PANK2: variants seen among roughly 807,000 people sequenced by gnomAD.
PANK2 encodes pantothenate kinase 2.
Under a neutral mutation model 43.1 loss-of-function variants are expected in PANK2, and 36 were observed. The observed-to-expected ratio is 0.84, with a 90% CI of 0.64 to 1.10. PANK2 has a LOEUF of 1.10. Ranked by LOEUF, PANK2 falls within the 50% of genes least tolerant of loss-of-function variation. The probability of loss-of-function intolerance (pLI) is 0.00; values close to 1 mark genes in which losing one functional copy is unlikely to be tolerated. For synonymous variants in PANK2, 281 were observed against 238.2 expected (o/e 1.18, Z -1.66); for missense variants, 576 against 593.3 (o/e 0.97, Z 0.30).
intron 1 of PANK2, among the ~76,000 whole-genome samples, chr20:3,890,618 G>C (rs2090107593): frequency 6.6e-6 from 1 of 152,182 alleles, no homozygotes; most frequent in African/African-American, 2.4e-5. Flanking sequence ...TTTTTGGTGG[G>C]TGTTGCCAGA....
At position 3,908,009 on chromosome 20, in the gene PANK2, G is replaced by T; in HGVS notation, c.382G>T (p.Glu128Ter). ...ACCCAAAGACATCACTGCTGAAGAA[G>T]AAGAGGAAGAAGTGGAAAGTCTTAA... The change falls in exon 2 of 7, where the codon GAA becomes TAA. Residue 128 changes from glutamate to a stop codon, truncating the protein, a stop_gained. Coordinates refer to ENST00000610179, the MANE Select transcript of PANK2 (RefSeq NM_001386393.1). LOFTEE classifies it high-confidence loss of function. The T allele has an allele frequency of 3.1e-6, 5 of 1,614,154 alleles. No homozygotes were observed. Among genetic ancestry groups the T allele is most frequent in the Non-Finnish European group, 4.2e-6 (5 of 1,180,036 alleles).
intron 1 of PANK2, 91 bp from the exon 2 acceptor site, chr20:3,907,835 C>A (rs931773118): frequency 2.9e-5 from 32 of 1,107,880 alleles, no homozygotes; most frequent in Middle Eastern, 2.1e-4. Flanking sequence ...TCTTTGGAAA[C>A]CCTAGCGTTT....
intron 5 of PANK2, among the ~76,000 whole-genome samples, chr20:3,918,002 G>A (rs1231120787): frequency 6.6e-6 from 1 of 152,150 alleles, no homozygotes; most frequent in Non-Finnish European, 1.5e-5. Context: ...TAACTCGGCA[G>A]TAAGCATTTT....
chr20:3,911,708 A>G (rs577295976), intron 3 of PANK2, among the ~76,000 whole-genome samples: 3 of 152,064 alleles, frequency 2.0e-5, no homozygotes, highest in East Asian at 1.9e-4. Context: ...CCTGGCCAAC[A>G]TGGAGAAACC....
At chr20:3,910,295 G>GTTTTTTTTTTTTTT (rs11441747) in intron 2 of PANK2, among the ~76,000 whole-genome samples, 2 of 143,904 alleles carry the variant, frequency 1.4e-5, no homozygotes, top group African/African-American at 5.2e-5. Flanking sequence ...AAATGCTGTG[G>GTTTTTTTTTTTTTT]TTTTTTTTTT....
intron 1 of PANK2, among the ~76,000 whole-genome samples, chr20:3,901,945 T>A (rs2090308089): frequency 6.6e-6 from 1 of 152,014 alleles, no homozygotes; most frequent in Non-Finnish European, 1.5e-5. Context: ...CTGACTTTTA[T>A]GTGATTTATG....
chr20:3,920,046 T>C (rs570556887), intron 6 of PANK2, among the ~76,000 whole-genome samples: 5 of 152,332 alleles, frequency 3.3e-5, no homozygotes, highest in African/African-American at 1.2e-4. Flanking sequence ...CCATTAAGTT[T>C]CTTACAGTTC....
In PANK2 at chr20:3,928,219, C is replaced by G. The variant is rs2090755855; in HGVS notation, c.*4925C>G. ...CCCAGGGCCAGAGATTCTACAAATGCCAGAAGAGTGGATGTGATAGAGAAT... is the reference window on the plus strand; with the variant it reads ...CCCAGGGCCAGAGATTCTACAAATGGCAGAAGAGTGGATGTGATAGAGAAT... On this transcript the variant is annotated 3_prime_UTR_variant, in exon 7 of 7. Coordinates refer to ENST00000610179, the MANE Select transcript of PANK2 (RefSeq NM_001386393.1). 6.6e-6 allele frequency: 1 copy of G among 152,088 alleles called. No homozygotes were observed. The highest frequency in any genetic ancestry group is 2.1e-4 in the South Asian group (1 of 4,826). The allele number at this position is 152,088 out of a possible 1,614,324, so 9.4% of individuals were successfully genotyped here. A position where few individuals can be genotyped will look rare whatever the true frequency, so the allele number is the denominator to read the frequency against.
chr20:3,897,126 G>A lies in PANK2; in HGVS notation c.298+7398G>A, dbSNP rs76745212. On this transcript the variant is annotated intron_variant, in intron 1 of 6. Coordinates refer to ENST00000610179, the MANE Select transcript of PANK2 (RefSeq NM_001386393.1). ...AATTGGTTACTTGCTTTGTGTGTGG[G>A]CTCACAGAAGTCTTCTGTGTTGATC... Among the ~76,000 whole-genome samples, 169 of 152,308 alleles carry A rather than the reference G, an allele frequency of 1.1e-3. 2 individuals carry two copies. The East Asian group carries it at 0.032, about 29-fold the overall frequency.
chr20:3,897,285 T>G (rs778437313), intron 1 of PANK2, among the ~76,000 whole-genome samples: 2 of 152,226 alleles, frequency 1.3e-5, no homozygotes, highest in African/African-American at 2.4e-5. Flanking sequence ...GTATAGGTTG[T>G]CTAGACTGAG....
At chr20:3,917,146 A>G in intron 5 of PANK2, 96 bp downstream of exon 5, 1 of 1,497,324 alleles carries the variant, frequency 6.7e-7, no homozygotes, top group Non-Finnish European at 9.3e-7. Flanking sequence ...GCCTAAATGT[A>G]GTCATTTGGG....
intron 2 of PANK2, 90 bp from the exon 3 acceptor site, chr20:3,910,484 GGTT>G: frequency 2.9e-6 from 4 of 1,402,222 alleles, no homozygotes; most frequent in East Asian, 2.3e-5. Flanking sequence ...GCACTTTCAT[GGTT>G]GTTTCACGTA....
chr20:3,892,778 C>T (rs1363267407), intron 1 of PANK2, among the ~76,000 whole-genome samples: 1 of 151,144 alleles, frequency 6.6e-6, no homozygotes, highest in South Asian at 2.1e-4. Context: ...TTCAGGTTAT[C>T]TTAGGCATTC....
chr20:3,919,490 C>A (rs2090615944), intron 6 of PANK2, among the ~76,000 whole-genome samples: 1 of 152,066 alleles, frequency 6.6e-6, no homozygotes, highest in Non-Finnish European at 1.5e-5. Flanking sequence ...ATTTAAGATG[C>A]ATGTTGTAAA....
chr20:3,908,636 T>C (rs918703955), intron 2 of PANK2: 2 of 245,586 alleles, frequency 8.1e-6, no homozygotes, highest in Non-Finnish European at 1.6e-5. Context: ...TTGTTTTCAG[T>C]CTTGTCTACC....
chr20:3,905,942 C>A (rs1242807977), intron 1 of PANK2, among the ~76,000 whole-genome samples: 1 of 151,438 alleles, frequency 6.6e-6, no homozygotes, highest in Admixed American at 6.6e-5. Context: ...TCTTGAACTC[C>A]TGACCTCAGG....
In PANK2 at chr20:3,927,670, A is replaced by T. The variant is rs1203516235; in HGVS notation, c.*4376A>T. ...CAACACTCTAGGAAGACCAGCTGTC[A>T]CCAGAAGGGAGTTCCTAACACTTGC... On this transcript the variant is annotated 3_prime_UTR_variant, in exon 7 of 7. Coordinates refer to ENST00000610179, the MANE Select transcript of PANK2 (RefSeq NM_001386393.1). The T allele has an allele frequency of 5.9e-5, 9 of 152,252 alleles. No homozygotes were observed. The highest frequency in any genetic ancestry group is 1.2e-4 in the Non-Finnish European group (8 of 68,044). 9.4% of individuals were successfully genotyped at this position (152,252 alleles called of 1,614,324 possible).
intron 1 of PANK2, among the ~76,000 whole-genome samples, chr20:3,893,203 G>C (rs1216043413): frequency 6.6e-6 from 1 of 152,118 alleles, no homozygotes; most frequent in African/African-American, 2.4e-5. Flanking sequence ...GCCATATAGT[G>C]AGTTAGTGAT....
At chr20:3,889,879 G>A (rs1188772204) in intron 1 of PANK2, 151 bp downstream of exon 1, 1 of 1,532,696 alleles carries the variant, frequency 6.5e-7, no homozygotes, top group South Asian at 1.2e-5. Flanking sequence ...CATCCGGCTG[G>A]AGGCCTCGGG....
Sources: gnomAD v4.1 joint callset for allele counts (sites outside exome capture counted in the v4.1 genomes callset) on GRCh38, gnomAD v4.1.1 for gene constraint, MANE v1.5 for transcripts, NCBI Gene and HGNC (gene_info 2026-07-23, HGNC 2026-07-21) for gene names.